The following CENPE variants were observed in gnomAD, a reference collection of about 807,000 sequenced individuals.
CENPE encodes centromere protein E.
Under a neutral mutation model 336.1 loss-of-function variants are expected in CENPE, and 145 were observed. The observed-to-expected ratio is 0.43, with a 90% CI of 0.38 to 0.50. CENPE has a LOEUF of 0.50. Among genes scored for constraint, CENPE ranks in the 20% least tolerant of loss-of-function variants. The pLI is 0.00. For synonymous variants in CENPE, 1,013 were observed against 984.8 expected, an observed-to-expected ratio of 1.03 and a Z score of -0.54; for missense variants, 2,719 against 3,023.3, an observed-to-expected ratio of 0.90 and a Z score of 2.36.
At chr4:103,153,597 G>C (rs889908266) in intron 24 of CENPE, among the ~76,000 whole-genome samples, 3 of 152,082 alleles carry the variant, frequency 2.0e-5, no homozygotes, top group African/African-American at 4.8e-5. Flanking sequence ...ACGTATGATA[G>C]GTTAACATGA....
At chr4:103,135,192 G>A (rs1398001528) in intron 40 of CENPE, among the ~76,000 whole-genome samples, 1 of 152,122 alleles carries the variant, frequency 6.6e-6, no homozygotes, top group Non-Finnish European at 1.5e-5. Flanking sequence ...CTTTCTGGAT[G>A]ATCTTACAAA....
At chr4:103,186,369 C>A (rs6847142) in intron 8 of CENPE, among the ~76,000 whole-genome samples, 24,203 of 152,152 alleles carry the variant, frequency 0.16, 2,329 homozygotes, top group Non-Finnish European at 0.2. Context: ...CCTTCCTCCC[C>A]GCCAGATTTC....
intron 9 of CENPE, 51 bp downstream of exon 9, chr4:103,185,759 C>G: frequency 7.7e-7 from 1 of 1,296,940 alleles, no homozygotes; most frequent in East Asian, 2.4e-5. Flanking sequence ...CTTTTTAAAC[C>G]TGTAAAATAG....
chr4:103,136,022 T>A (rs963191926), intron 40 of CENPE, 119 bp downstream of exon 40: 69 of 811,352 alleles, frequency 8.5e-5, no homozygotes, highest in Non-Finnish European at 1.3e-4. Flanking sequence ...ACCCACATAA[T>A]CTTTAATTTG....
chr4:103,162,998 T>G, intron 18 of CENPE, 139 bp downstream of exon 18: 1 of 578,366 alleles, frequency 1.7e-6, no homozygotes, highest in Non-Finnish European at 2.7e-6. Context: ...CATAGGGTTA[T>G]TGACAGATTT....
chr4:103,143,430 T>G (rs926150290), intron 33 of CENPE, 24 bp from the exon 34 acceptor site: 1 of 1,465,834 alleles, frequency 6.8e-7, no homozygotes, highest in African/African-American at 1.4e-5. Flanking sequence ...AAAATAAAAA[T>G]AATACATTGA....
chr4:103,183,154 G>T, intron 10 of CENPE, 47 bp downstream of exon 10: 1 of 1,411,634 alleles, frequency 7.1e-7, no homozygotes. Flanking sequence ...TCAACCTAAT[G>T]AAAAATATAA....
chr4:103,170,300 C>A (rs903653423), intron 16 of CENPE, among the ~76,000 whole-genome samples: 1 of 151,894 alleles, frequency 6.6e-6, no homozygotes, highest in African/African-American at 2.4e-5. Flanking sequence ...ACAACAACAA[C>A]AACAAAGAGG....
In CENPE at chr4:103,140,949, CAAATTT is replaced by C. The variant is rs1752506301; in HGVS notation, c.5613_5618del (p.Asn1872_Leu1873del). On this transcript the variant is annotated inframe_deletion, in exon 36 of 49. Transcript: ENST00000265148. ...CAAGGTTTTCATGAAGTTTCTGAGC[CAAATTT>C]AAATTCTCTATTTCTAATTTACTCA... 2 of 1,612,158 alleles carry C rather than the reference CAAATTT, an allele frequency of 1.2e-6. No individual in the cohort carries two copies. Among genetic ancestry groups the C allele is most frequent in the African/African-American group, 2.7e-5 (2 of 74,844 alleles).
At chr4:103,159,361 C>A in intron 21 of CENPE, 37 bp from the exon 22 acceptor site, 1 of 1,185,160 alleles carries the variant, frequency 8.4e-7, no homozygotes, top group East Asian at 2.9e-5. Context: ...ATGTTAGCAA[C>A]ATATGATTCA....
rs867017608 is a variant in CENPE at position 103,159,297 on chromosome 4, T to C, written c.2314A>G (p.Ile772Val). 6.5e-7 allele frequency: 1 copy of C among 1,542,086 alleles called. No homozygotes were observed. Among genetic ancestry groups the C allele is most frequent in the African/African-American group, 1.4e-5 (1 of 71,476 alleles). ...EIQDKSEELH[I>V]ITSEKDKLFS... is the part of the protein sequence containing the mutation. ...AATTTATCTTTTTCTGATGTTATTA[T>C]ATGGAGCTCTTCAGATTTGTCTTGT... is the stretch of plus-strand genomic sequence containing the variant. The change falls in exon 22 of 49, where the codon ATA becomes GTA. Residue 772 changes from isoleucine to valine, a missense_variant. Transcript: ENST00000265148.
Position 103,158,359 on chromosome 4 carries a change from A to C in CENPE, c.2974T>G (p.Ser992Ala). 1.2e-6 allele frequency: 2 copies of C among 1,610,216 alleles called. No individual in the cohort carries two copies. Among genetic ancestry groups the C allele is most frequent in the Non-Finnish European group, 8.5e-7 (1 of 1,178,318 alleles). ...TTTTCCTCCATATGCAAATTCCTGGAAACTTCCTCAGAAATTTTCGATTTT... is the reference window on the plus strand; with the variant it reads ...TTTTCCTCCATATGCAAATTCCTGGCAACTTCCTCAGAAATTTTCGATTTT... ...TLKSKISEEVSRNLHMEENTG... is the reference protein window; with the variant it reads ...TLKSKISEEVARNLHMEENTG... Residue 992 changes from serine (S) to alanine (A), a missense_variant, in exon 24 of 49, where the codon TCC becomes GCC. Coordinates refer to ENST00000265148, the MANE Select transcript of CENPE (RefSeq NM_001813.3).
In CENPE at chr4:103,145,929, T is replaced by C. The variant is rs112687930; in HGVS notation, c.4313A>G (p.Lys1438Arg). 8.7e-6 allele frequency: 14 copies of C among 1,613,972 alleles called. 1 individual carries two copies. Among genetic ancestry groups the C allele is most frequent in the Middle Eastern group, 1.7e-4 (1 of 6,058 alleles). ...KRLQESHDEM[K>R]SVAKEKDDLQ... ...GTCATCTTTCTCCTTAGCTACAGAT[T>C]TCATTTCATCATGACTTTCTTGAAG... is the stretch of plus-strand genomic sequence containing the variant. The change falls in exon 30 of 49, where the codon AAA (lysine) becomes AGA (arginine). Residue 1438 changes from lysine (K) to arginine (R), a missense_variant. Physicochemically the swap from Lys to Arg is conservative, Grantham distance 26. Coordinates refer to ENST00000265148, the MANE Select transcript of CENPE (RefSeq NM_001813.3).
Position 103,194,213 on chromosome 4 carries a change from G to C in CENPE, c.693+16C>G. 6.2e-7 allele frequency: 1 copy of C among 1,602,030 alleles called. No individual in the cohort carries two copies. ...TTGGCCCATACAGTACATTATTATG[G>C]TTCATTAATACTCACCAAATGGGAT... On this transcript the variant is annotated intron_variant, in intron 8 of 48. Coordinates refer to ENST00000265148, the MANE Select transcript of CENPE (RefSeq NM_001813.3).
chr4:103,174,947 ATTTT>A, intron 15 of CENPE, 44 bp from the exon 16 acceptor site: 1 of 1,199,854 alleles, frequency 8.3e-7, no homozygotes, highest in South Asian at 1.8e-5. Flanking sequence ...AAATTCAAAT[ATTTT>A]TTGTTTCCTT....
At position 103,182,146 on chromosome 4, in the gene CENPE, C is replaced by T. The variant is rs559764051; in HGVS notation, c.963+616G>A. ...CGCTCTTGTTGCCTAGGCTGGAGTGCAATGGCGCGATCTCGGCTCACCGCA... is the reference window on the plus strand; with the variant it reads ...CGCTCTTGTTGCCTAGGCTGGAGTGTAATGGCGCGATCTCGGCTCACCGCA... On this transcript the variant is annotated intron_variant, in intron 11 of 48. Transcript: ENST00000265148. 5.3e-5 allele frequency among the ~76,000 whole-genome samples: 8 copies of T among 151,012 alleles called. No homozygotes were observed. The South Asian group carries it at 1.2e-3, about 24-fold the overall frequency.
chr4:103,146,052 T>G lies in CENPE; in HGVS notation c.4190A>C (p.Asn1397Thr), dbSNP rs1404833291. Residue 1397 changes from asparagine to threonine, a missense_variant, in exon 30 of 49, where the codon AAT (asparagine) becomes ACT (threonine). Around this residue, in one of 5 missense-constraint regions of CENPE, gnomAD observed 2,437 missense variants for 2,513.3 expected, o/e 0.97. Coordinates refer to ENST00000265148, the MANE Select transcript of CENPE (RefSeq NM_001813.3). The part of the protein sequence containing the change: ...EQSLNMKEKD[N>T]ETTKIVSEME... ...CTCACTCACGATTTTGGTAGTTTCATTGTCTTTTTCTTTCATATTTAAGGA... is the reference window on the plus strand; with the variant it reads ...CTCACTCACGATTTTGGTAGTTTCAGTGTCTTTTTCTTTCATATTTAAGGA... The G allele has an allele frequency of 6.2e-7, 1 of 1,613,928 alleles. No individual in the cohort carries two copies. The highest frequency in any genetic ancestry group is 1.1e-5 in the South Asian group (1 of 91,076).
rs377684310 is a variant in CENPE, at chr4:103,154,735, TA to T, written c.3034-1486del. Reference sequence around the variant, plus strand: ...AGTTATGAATAAAATCTAATAGATCTAATTATTAAATAAAAAATTATTAGAA... The same window carrying T: ...AGTTATGAATAAAATCTAATAGATCTATTATTAAATAAAAAATTATTAGAA... On this transcript the variant is annotated intron_variant, in intron 24 of 48. Coordinates refer to ENST00000265148, the MANE Select transcript of CENPE (RefSeq NM_001813.3). Among the ~76,000 whole-genome samples, 14 of 152,308 alleles carry T rather than the reference TA, an allele frequency of 9.2e-5. No homozygotes were observed. In the East Asian group the frequency reaches 2.3e-3, roughly 25 times the overall value.
At position 103,144,491 on chromosome 4, in the gene CENPE, T is replaced by C. The variant is rs1316254520; in HGVS notation, c.4985A>G (p.Asn1662Ser). The change falls in exon 33 of 49, where the codon AAC becomes AGC. Residue 1662 changes from asparagine to serine, a missense_variant. Asn to Ser is a conservative substitution (Grantham distance 46). Coordinates refer to ENST00000265148, the MANE Select transcript of CENPE (RefSeq NM_001813.3). ...CAACCTTATATTCTCCGTTTCTATG[T>C]TTTCCAGGTTTAACTTCTGGGTCTC... ...QFETQKLNLE[N>S]IETENIRLTQ... 25 of 1,614,044 alleles carry C rather than the reference T, an allele frequency of 1.5e-5. No homozygotes were observed. Among genetic ancestry groups the C allele is most frequent in the Non-Finnish European group, 1.9e-5 (23 of 1,180,042 alleles).
Sources: gnomAD v4.1 joint callset for allele counts (sites outside exome capture counted in the v4.1 genomes callset) on GRCh38, gnomAD v4.1.1 for gene constraint, gnomAD v4.1.1 regional missense constraint, MANE v1.5 for transcripts, NCBI Gene and HGNC (gene_info 2026-07-23, HGNC 2026-07-21) for gene names.